KCNH1: variants seen among roughly 807,000 people sequenced by gnomAD.
KCNH1 encodes potassium voltage-gated channel subfamily H member 1.
A neutral mutation model predicts 69.2 loss-of-function variants in KCNH1; 27 were observed. That is an observed-to-expected ratio of 0.39 (90% confidence interval 0.29 to 0.54). KCNH1 has a LOEUF of 0.54. Ranked by LOEUF, KCNH1 falls within the 20% of genes least tolerant of loss-of-function variation. The pLI, the probability that KCNH1 is intolerant of heterozygous loss-of-function variation, is 0.68. For synonymous variants in KCNH1, 456 were observed against 487.7 expected, an observed-to-expected ratio of 0.93 and a Z score of 0.86; for missense variants, 798 against 1,261.6, an observed-to-expected ratio of 0.63 and a Z score of 5.57.
chr1:210,945,218 A>C (rs971493069), intron 6 of KCNH1, among the ~76,000 whole-genome samples: 1 of 152,226 alleles, frequency 6.6e-6, no homozygotes, highest in Admixed American at 6.5e-5. Context: ...TGCTATAAGC[A>C]TTGGTGCACA....
chr1:211,030,691 G>A (rs1689767099), intron 5 of KCNH1, among the ~76,000 whole-genome samples: 1 of 151,966 alleles, frequency 6.6e-6, no homozygotes, highest in South Asian at 2.1e-4. Context: ...AGAATCTAGG[G>A]CTAGGCAAAC....
At chr1:211,057,769 A>C (rs774392501) in intron 5 of KCNH1, among the ~76,000 whole-genome samples, 1 of 152,176 alleles carries the variant, frequency 6.6e-6, no homozygotes, top group Non-Finnish European at 1.5e-5. Flanking sequence ...TAAAGAGGAG[A>C]TGGGACGACA....
intron 6 of KCNH1, among the ~76,000 whole-genome samples, chr1:211,005,118 A>G (rs186877544): frequency 1.1e-4 from 16 of 152,274 alleles, no homozygotes; most frequent in African/African-American, 3.1e-4. Flanking sequence ...TCTTACAGAC[A>G]TTAAAAGATA....
Position 210,738,091 on chromosome 1 carries a change from C to T in KCNH1, c.2112+37257G>A, listed in dbSNP as rs192174196. ...CCACTTCTGAATTCATTTGCTACCA[C>T]TCTCCTCTCATTCACTCCCCCCGCA... On this transcript the variant is annotated intron_variant, in intron 10 of 10. Transcript: ENST00000271751. Among the ~76,000 whole-genome samples, 234 of 152,200 alleles carry T rather than the reference C, an allele frequency of 1.5e-3. 2 individuals carry two copies. Among genetic ancestry groups the T allele is most frequent in the Non-Finnish European group, 1.7e-3 (116 of 68,022 alleles).
chr1:210,988,164 T>G (rs193264956), intron 6 of KCNH1, among the ~76,000 whole-genome samples: 155 of 152,302 alleles, frequency 1.0e-3, no homozygotes, highest in Non-Finnish European at 1.4e-3. Context: ...TGATCCAATT[T>G]TCCAGGTGCC....
At chr1:210,904,433 C>T (rs990854528) in intron 7 of KCNH1, among the ~76,000 whole-genome samples, 4 of 151,924 alleles carry the variant, frequency 2.6e-5, no homozygotes, top group Admixed American at 6.6e-5. Context: ...TTAATATACT[C>T]AGTGGAAGGT....
intron 7 of KCNH1, among the ~76,000 whole-genome samples, chr1:210,900,543 C>T (rs1686973572): frequency 6.6e-6 from 1 of 152,152 alleles, no homozygotes; most frequent in Admixed American, 6.5e-5. Context: ...TGTTTAGAGA[C>T]TTTCTGGAAC....
intron 2 of KCNH1, among the ~76,000 whole-genome samples, chr1:211,104,623 A>AG (rs1212746522): frequency 1.3e-5 from 2 of 152,058 alleles, no homozygotes; most frequent in African/African-American, 4.8e-5. Context: ...ATGCCAGAGG[A>AG]GGGGGAAAAA....
intron 6 of KCNH1, among the ~76,000 whole-genome samples, chr1:210,963,598 T>C (rs1688340235): frequency 6.6e-6 from 1 of 151,910 alleles, no homozygotes; most frequent in African/African-American, 2.4e-5. Flanking sequence ...AGAACATAAA[T>C]GACCTGATGG....
chr1:211,062,180 A>G (rs1690444244), intron 5 of KCNH1, among the ~76,000 whole-genome samples: 1 of 152,166 alleles, frequency 6.6e-6, no homozygotes, highest in African/African-American at 2.4e-5. Flanking sequence ...GAGTGAACTC[A>G]TTTTTGACAA....
intron 6 of KCNH1, among the ~76,000 whole-genome samples, chr1:210,959,898 C>T (rs2102355252): frequency 6.6e-6 from 1 of 152,310 alleles, no homozygotes; most frequent in East Asian, 1.9e-4. Context: ...TTCAGCTCGC[C>T]CTCCATGGGC....
chr1:211,112,662 A>G (rs1571656698), intron 1 of KCNH1, among the ~76,000 whole-genome samples: 1 of 152,096 alleles, frequency 6.6e-6, no homozygotes, highest in African/African-American at 2.4e-5. Flanking sequence ...GTTTCCTCTC[A>G]CTACTAACCC....
intron 10 of KCNH1, among the ~76,000 whole-genome samples, chr1:210,734,251 TGTTGAA>T (rs1558446152): frequency 6.6e-6 from 1 of 152,206 alleles, no homozygotes; most frequent in Admixed American, 6.5e-5. Context: ...TACTGAACCC[TGTTGAA>T]CAGGACTCCC....
intron 5 of KCNH1, among the ~76,000 whole-genome samples, chr1:211,051,904 G>A (rs1361884182): frequency 2.0e-5 from 3 of 152,020 alleles, no homozygotes; most frequent in Admixed American, 2.0e-4. Flanking sequence ...CTTTGGAGGA[G>A]GATTCGGGTC....
At chr1:210,916,356 G>A (rs966978519) in intron 7 of KCNH1, among the ~76,000 whole-genome samples, 1 of 152,248 alleles carries the variant, frequency 6.6e-6, no homozygotes, top group Middle Eastern at 3.4e-3. Flanking sequence ...CAGCTGAAAC[G>A]GTGACAGGTT....
chr1:210,819,414 T>G (rs1212134124), intron 7 of KCNH1, among the ~76,000 whole-genome samples: 1 of 152,118 alleles, frequency 6.6e-6, no homozygotes, highest in African/African-American at 2.4e-5. Context: ...ACTGGCCAAC[T>G]GTCAGGAGGA....
At chr1:210,874,533 G>A (rs985796656) in intron 7 of KCNH1, among the ~76,000 whole-genome samples, 3 of 152,140 alleles carry the variant, frequency 2.0e-5, no homozygotes, top group African/African-American at 4.8e-5. Flanking sequence ...ATTCATCACA[G>A]CACTATTCAC....
At chr1:211,097,738 C>T (rs2102478936) in intron 3 of KCNH1, among the ~76,000 whole-genome samples, 1 of 152,284 alleles carries the variant, frequency 6.6e-6, no homozygotes, top group South Asian at 2.1e-4. Context: ...TGTACCTGGC[C>T]AGCAGCTTCT....
At chr1:210,769,633 G>T (rs1027604894) in intron 10 of KCNH1, among the ~76,000 whole-genome samples, 2 of 152,098 alleles carry the variant, frequency 1.3e-5, no homozygotes, top group Non-Finnish European at 2.9e-5. Context: ...AATTACCTAC[G>T]TGCCAATTAT....
Sources: allele counts gnomAD v4.1 joint callset (sites outside exome capture counted in the v4.1 genomes callset), GRCh38; gene constraint gnomAD v4.1.1; transcripts MANE v1.5; gene names NCBI Gene and HGNC (gene_info 2026-07-23, HGNC 2026-07-21).